CACNA2D3: variants seen among roughly 807,000 people sequenced by gnomAD.
CACNA2D3 encodes the protein calcium voltage-gated channel auxiliary subunit alpha2delta 3.
A neutral mutation model predicts 160.6 loss-of-function variants in CACNA2D3; 60 were observed. The ratio of observed to expected loss-of-function variants is 0.37; its 90% CI spans 0.30 to 0.46. The LOEUF (loss-of-function observed/expected upper bound fraction) is 0.46, where lower values mean the gene tolerates loss of function less well. Ranked by LOEUF, CACNA2D3 falls within the 20% of genes least tolerant of loss-of-function variation. CACNA2D3 has a pLI of 1.00. For synonymous variants in CACNA2D3, 558 were observed against 492.9 expected (o/e 1.13, Z -1.75); for missense variants, 1,205 against 1,365.0 (o/e 0.88, Z 1.85).
At chr3:54,802,428 AAG>A (rs1310693790) in intron 13 of CACNA2D3, among the ~76,000 whole-genome samples, 4 of 152,228 alleles carry the variant, frequency 2.6e-5, no homozygotes, top group Admixed American at 6.5e-5. Context: ...ATGTGTTTGT[AAG>A]GAAATTTCAT....
chr3:54,976,315 G>A (rs1702389930), intron 29 of CACNA2D3, among the ~76,000 whole-genome samples: 1 of 128,914 alleles, frequency 7.8e-6, no homozygotes, highest in Non-Finnish European at 1.6e-5. Flanking sequence ...AGAGTGTGAT[G>A]TTCCCCTTCC....
chr3:54,408,648 A>T (rs1327679102), intron 4 of CACNA2D3, among the ~76,000 whole-genome samples: 3 of 152,126 alleles, frequency 2.0e-5, no homozygotes, highest in African/African-American at 7.2e-5. Flanking sequence ...GAGAGCTCTC[A>T]TTCTGTTTTG....
intron 11 of CACNA2D3, among the ~76,000 whole-genome samples, chr3:54,650,999 G>A (rs982977038): frequency 6.6e-6 from 1 of 152,170 alleles, no homozygotes; most frequent in East Asian, 1.9e-4. Flanking sequence ...GCATGAAGAG[G>A]CTACATTCAG....
At chr3:54,807,375 C>G (rs892517368) in intron 13 of CACNA2D3, among the ~76,000 whole-genome samples, 3 of 152,078 alleles carry the variant, frequency 2.0e-5, no homozygotes, top group African/African-American at 7.2e-5. Context: ...ACAAACAACC[C>G]CATCAAAAAG....
At chr3:54,550,153 A>C (rs1437698861) in intron 5 of CACNA2D3, among the ~76,000 whole-genome samples, 1 of 152,120 alleles carries the variant, frequency 6.6e-6, no homozygotes, top group Non-Finnish European at 1.5e-5. Context: ...GGTTGACGGA[A>C]TGGCTAAGAG....
intron 28 of CACNA2D3, 63 bp from the exon 29 acceptor site, chr3:54,969,737 A>G (rs373213167): frequency 2.1e-6 from 3 of 1,416,744 alleles, no homozygotes; most frequent in South Asian, 1.2e-5. Context: ...TGGCAGCCAC[A>G]GCAGGCACTG....
At chr3:54,649,819 C>A (rs1400011126) in intron 11 of CACNA2D3, among the ~76,000 whole-genome samples, 1 of 152,214 alleles carries the variant, frequency 6.6e-6, no homozygotes, top group Non-Finnish European at 1.5e-5. Flanking sequence ...ACATTCAGTC[C>A]ATAACACTGT....
rs539161157 is a variant in CACNA2D3 at position 54,906,692 on chromosome 3, A to G, written c.2449+6824A>G. On this transcript the variant is annotated intron_variant, in intron 27 of 37. Coordinates refer to ENST00000474759, the MANE Select transcript of CACNA2D3 (RefSeq NM_018398.3). ...CTGACCCAGGGAAAGTGGGCAACCCAAGGCAAGTCTTTGCTCTGAATGTCA... is the reference window on the plus strand; with the variant it reads ...CTGACCCAGGGAAAGTGGGCAACCCGAGGCAAGTCTTTGCTCTGAATGTCA... Among the ~76,000 whole-genome samples, 461 of 152,300 alleles carry G rather than the reference A, an allele frequency of 3.0e-3. 2 individuals carry two copies. The highest frequency in any genetic ancestry group is 6.8e-3 in the Middle Eastern group (2 of 294).
At chr3:54,680,499 A>C (rs767293788) in intron 11 of CACNA2D3, among the ~76,000 whole-genome samples, 1 of 152,190 alleles carries the variant, frequency 6.6e-6, no homozygotes, top group Non-Finnish European at 1.5e-5. Flanking sequence ...TTGCCTGAGG[A>C]GACTTCTTAT....
chr3:54,219,989 G>C (rs1348594526), intron 2 of CACNA2D3, among the ~76,000 whole-genome samples: 23 of 151,964 alleles, frequency 1.5e-4, no homozygotes. Context: ...TTTTGCACTT[G>C]GCATTTTATT....
At chr3:54,652,142 C>T (rs1178875979) in intron 11 of CACNA2D3, among the ~76,000 whole-genome samples, 1 of 152,130 alleles carries the variant, frequency 6.6e-6, no homozygotes, top group East Asian at 1.9e-4. Flanking sequence ...CACCCCCTAG[C>T]CTCCACACGA....
At chr3:54,809,787 C>G (rs1703250934) in intron 13 of CACNA2D3, among the ~76,000 whole-genome samples, 1 of 151,330 alleles carries the variant, frequency 6.6e-6, no homozygotes, top group African/African-American at 2.4e-5. Context: ...CCATTTCCCT[C>G]TTTCCCTCCT....
At chr3:54,230,758 T>A (rs924270624) in intron 2 of CACNA2D3, among the ~76,000 whole-genome samples, 3 of 152,254 alleles carry the variant, frequency 2.0e-5, no homozygotes, top group Non-Finnish European at 4.4e-5. Flanking sequence ...CGTTTTTATT[T>A]CAACAATATT....
intron 2 of CACNA2D3, among the ~76,000 whole-genome samples, chr3:54,184,202 A>G (rs1325826777): frequency 6.6e-6 from 1 of 152,224 alleles, no homozygotes; most frequent in African/African-American, 2.4e-5. Flanking sequence ...GGAAAGCTGG[A>G]GCCCTAGAGG....
chr3:54,271,782 TGCTGTCA>T (rs1214517528), intron 2 of CACNA2D3, among the ~76,000 whole-genome samples: 1 of 152,190 alleles, frequency 6.6e-6, no homozygotes, highest in Non-Finnish European at 1.5e-5. Context: ...TCTGGTGCCC[TGCTGTCA>T]CCTGTCAGTG....
intron 9 of CACNA2D3, chr3:54,626,330 G>A (rs1699100897): frequency 6.4e-7 from 1 of 1,553,856 alleles, no homozygotes; most frequent in South Asian, 1.2e-5. Context: ...TACAGTGCGC[G>A]CCAGCAGCGG....
At chr3:55,019,175 G>GT (rs1445660998) in intron 35 of CACNA2D3, among the ~76,000 whole-genome samples, 1 of 150,716 alleles carries the variant, frequency 6.6e-6, no homozygotes, top group Non-Finnish European at 1.5e-5. Context: ...AGATCTTATG[G>GT]TTTCTTAATA....
At chr3:54,667,989 T>A (rs1050127616) in intron 11 of CACNA2D3, among the ~76,000 whole-genome samples, 1 of 151,988 alleles carries the variant, frequency 6.6e-6, no homozygotes, top group Non-Finnish European at 1.5e-5. Flanking sequence ...TATATTAGAA[T>A]TTTATATCAA....
At chr3:54,642,305 C>A in intron 11 of CACNA2D3, 64 bp downstream of exon 11, 2 of 907,686 alleles carry the variant, frequency 2.2e-6, no homozygotes, top group Non-Finnish European at 3.4e-6. Context: ...TAATCTCCAG[C>A]TTGTCCATGA....
Sources: gnomAD v4.1 joint callset for allele counts (sites outside exome capture counted in the v4.1 genomes callset) on GRCh38, gnomAD v4.1.1 for gene constraint, MANE v1.5 for transcripts, NCBI Gene and HGNC (gene_info 2026-07-23, HGNC 2026-07-21) for gene names.